The following PIK3C2A variants were observed in gnomAD, a reference collection of about 807,000 sequenced individuals.
PIK3C2A encodes the protein phosphatidylinositol-4-phosphate 3-kinase catalytic subunit type 2 alpha.
In PIK3C2A, 97 loss-of-function variants were observed where a neutral mutation model predicts 204.5. The observed-to-expected ratio is 0.47, with a 90% CI of 0.40 to 0.56. The LOEUF (loss-of-function observed/expected upper bound fraction) is 0.56, where lower values mean the gene tolerates loss of function less well. PIK3C2A is among the 20% of genes least tolerant of loss of function. The probability of loss-of-function intolerance (pLI) is 0.00; values close to 1 mark genes in which losing one functional copy is unlikely to be tolerated. For synonymous variants in PIK3C2A, 653 were observed against 664.4 expected (o/e 0.98, Z 0.26); for missense variants, 1,735 against 1,969.2 (o/e 0.88, Z 2.25).
At chr11:17,148,996 A>T (rs578036012) in intron 4 of PIK3C2A, among the ~76,000 whole-genome samples, 20 of 152,146 alleles carry the variant, frequency 1.3e-4, no homozygotes, top group Non-Finnish European at 2.6e-4. Context: ...GTTTTATTTA[A>T]CCTAATACAG....
chr11:17,180,967 G>A (rs1023358009), intron 1 of PIK3C2A, among the ~76,000 whole-genome samples: 6 of 152,038 alleles, frequency 3.9e-5, no homozygotes, highest in Admixed American at 1.3e-4. Flanking sequence ...TTATTATAAA[G>A]GATACAACTC....
At chr11:17,204,420 A>G (rs1852493300) in intron 1 of PIK3C2A, 1 of 152,226 alleles carries the variant, frequency 6.6e-6, no homozygotes, top group Non-Finnish European at 1.5e-5. Flanking sequence ...CAGTTTGCTC[A>G]ATATCTCACC....
chr11:17,136,027 C>G (rs1373221750), intron 9 of PIK3C2A, among the ~76,000 whole-genome samples: 3 of 152,178 alleles, frequency 2.0e-5, no homozygotes, highest in Non-Finnish European at 4.4e-5. Flanking sequence ...AGGCCCCTAA[C>G]TTGGCTGCTT....
Position 17,091,341 on chromosome 11 carries a change from T to C in PIK3C2A, c.4871A>G (p.Asn1624Ser), listed in dbSNP as rs142278050. ...ISRKTRNPTF[N>S]EMLVYSGYSK... is the part of the protein sequence containing the mutation. The stretch of plus-strand genomic sequence containing the variant: ...GAAATGATTTTAACTTACCATTTCA[T>C]TGAATGTCGGATTCCTCGTTTTTCG... The change falls in exon 32 of 33, where the codon AAT (asparagine) becomes AGT (serine). Residue 1624 changes from asparagine to serine, a missense_variant. Asn to Ser is a conservative substitution (Grantham distance 46). Transcript: ENST00000691414. 6.2e-7 allele frequency: 1 copy of C among 1,609,802 alleles called. No homozygotes were observed. The highest frequency in any genetic ancestry group is 2.2e-5 in the East Asian group (1 of 44,852).
chr11:17,206,106 C>G (rs1210816989), intron 1 of PIK3C2A, among the ~76,000 whole-genome samples: 1 of 152,008 alleles, frequency 6.6e-6, no homozygotes, highest in Non-Finnish European at 1.5e-5. Context: ...GGCGACAGAG[C>G]GAGATTCAAA....
At chr11:17,090,381 C>T (rs1054002539) in intron 32 of PIK3C2A, among the ~76,000 whole-genome samples, 1 of 152,308 alleles carries the variant, frequency 6.6e-6, no homozygotes, top group African/African-American at 2.4e-5. Flanking sequence ...GCAGGAGAAT[C>T]ACTTGAACTC....
rs1468608051 is a variant in PIK3C2A at position 17,112,650 on chromosome 11, C to T, written c.3338G>A (p.Ser1113Asn). 1 of 1,518,584 alleles carries T rather than the reference C, an allele frequency of 6.6e-7. No homozygotes were observed. Among genetic ancestry groups the T allele is most frequent in the Non-Finnish European group, 8.9e-7 (1 of 1,125,282 alleles). 94.1% of individuals were successfully genotyped at this position (1,518,584 alleles called of 1,614,324 possible). A position where few individuals can be genotyped will look rare whatever the true frequency, so the allele number is the denominator to read the frequency against. The part of the protein sequence containing the change: ...ELNIKSCSFF[S>N]SNAVPLKVTM... ...GACTTTTAGGGGGACAGCATTAGAA[C>T]TGAAGAAGGAACACGACTGCAAATA... Residue 1113 changes from serine to asparagine, a missense_variant, in exon 21 of 33, where the codon AGT (serine) becomes AAT (asparagine). By Grantham distance (46) the Ser-to-Asn change is conservative. Around this residue, in one of 6 missense-constraint regions of PIK3C2A, gnomAD observed 567 missense variants for 576.0 expected, o/e 0.98. Coordinates refer to ENST00000691414, the MANE Select transcript of PIK3C2A (RefSeq NM_002645.4).
chr11:17,185,995 ATGGCCCACCAGGCACACTAATATT>A (rs1851738255), intron 1 of PIK3C2A, among the ~76,000 whole-genome samples: 1 of 152,182 alleles, frequency 6.6e-6, no homozygotes. Context: ...AATCTTTACA[ATGGCCCACCAGGCACACTAATATT>A]TGGCCCCCCA....
Position 17,094,381 on chromosome 11 carries a change from T to A in PIK3C2A, c.4331A>T (p.Tyr1444Phe). 6.2e-7 allele frequency: 1 copy of A among 1,607,308 alleles called. No individual in the cohort carries two copies. The highest frequency in any genetic ancestry group is 8.5e-7 in the Non-Finnish European group (1 of 1,176,658). ...TCCTTCCCTCAAAATTCGGACTACA[T>A]AAATCTGAAAAGAAATCACACCACA... ...KKYNPDKHYIYVVRILREGQI... is the reference protein window; with the variant it reads ...KKYNPDKHYIFVVRILREGQI... The change falls in exon 28 of 33, where the codon TAT becomes TTT. Residue 1444 changes from tyrosine (Y) to phenylalanine (F), a missense_variant. By Grantham distance (22) the Tyr-to-Phe change is conservative. Coordinates refer to ENST00000691414, the MANE Select transcript of PIK3C2A (RefSeq NM_002645.4).
At chr11:17,163,758 A>C (rs1850858399) in intron 2 of PIK3C2A, among the ~76,000 whole-genome samples, 1 of 152,146 alleles carries the variant, frequency 6.6e-6, no homozygotes, top group African/African-American at 2.4e-5. Context: ...ATTGTCATCT[A>C]ATGTAACACA....
chr11:17,125,996 C>T (rs1327158151), intron 13 of PIK3C2A, among the ~76,000 whole-genome samples: 1 of 151,934 alleles, frequency 6.6e-6, no homozygotes, highest in African/African-American at 2.4e-5. Context: ...TGGTAGCACA[C>T]ACCTGTAATC....
intron 2 of PIK3C2A, among the ~76,000 whole-genome samples, chr11:17,162,750 G>A (rs903622501): frequency 1.3e-5 from 2 of 152,126 alleles, no homozygotes; most frequent in Admixed American, 1.3e-4. Context: ...AACCCATTCT[G>A]CTTCAGGGGC....
In PIK3C2A at chr11:17,122,265, C is replaced by T; in HGVS notation, c.2580G>A (p.Gln860=). The part of the protein sequence containing the change: ...TTPQVDRSII[Q]QHNLETLEND... ...TCTCTAGTGTTTCTAAGTTATGTTG[C>T]TGTATAATGCTTCTGTCAACTTGAG... Residue 860 remains glutamine (Q), a synonymous_variant, in exon 15 of 33, where the codon CAG becomes CAA. Coordinates refer to ENST00000691414, the MANE Select transcript of PIK3C2A (RefSeq NM_002645.4). 6.6e-7 allele frequency: 1 copy of T among 1,512,528 alleles called. No homozygotes were observed. The highest frequency in any genetic ancestry group is 1.4e-5 in the African/African-American group (1 of 72,996). 93.7% of individuals were successfully genotyped at this position (1,512,528 alleles called of 1,614,324 possible).
chr11:17,196,250 A>G (rs1852150608), intron 1 of PIK3C2A, among the ~76,000 whole-genome samples: 1 of 152,210 alleles, frequency 6.6e-6, no homozygotes, highest in African/African-American at 2.4e-5. Flanking sequence ...GATGGGGGAT[A>G]CTATACTGAA....
rs539749685 is a variant in PIK3C2A at position 17,148,890 on chromosome 11, A to C, written c.1328-103T>G. 2.9e-4 allele frequency: 260 copies of C among 883,448 alleles called. No homozygotes were observed. In the African/African-American group the frequency reaches 4.0e-3, roughly 14 times the overall value. The allele number at this position is 883,448 out of a possible 1,614,324, so 54.7% of individuals were successfully genotyped here. On this transcript the variant is annotated intron_variant, in intron 4 of 32. Coordinates refer to ENST00000691414, the MANE Select transcript of PIK3C2A (RefSeq NM_002645.4). The stretch of plus-strand genomic sequence containing the variant: ...GCAGTATACAATAGAAATATAATGT[A>C]GTCCACAAATGTAGGCCACATATAT...
At chr11:17,095,022 G>C (rs368580805) in intron 27 of PIK3C2A, among the ~76,000 whole-genome samples, 91 of 152,272 alleles carry the variant, frequency 6.0e-4, no homozygotes, top group African/African-American at 2.1e-3. Flanking sequence ...GCCAAGGTGA[G>C]AGGATCATTT....
At position 17,133,802 on chromosome 11, in the gene PIK3C2A, C is replaced by G. The variant is rs144472500; in HGVS notation, c.2108+1017G>C. The stretch of plus-strand genomic sequence containing the variant: ...AATTAGCTAGGCATGGTGGTGCACA[C>G]CTGTAATCCTAGCTACTGGGGAGGC... On this transcript the variant is annotated intron_variant, in intron 11 of 32. Coordinates refer to ENST00000691414, the MANE Select transcript of PIK3C2A (RefSeq NM_002645.4). Among the ~76,000 whole-genome samples, 9 of 151,972 alleles carry G rather than the reference C, an allele frequency of 5.9e-5. No homozygotes were observed. The East Asian group carries it at 9.7e-4, about 16-fold the overall frequency.
intron 1 of PIK3C2A, among the ~76,000 whole-genome samples, chr11:17,196,538 G>T: frequency 6.6e-6 from 1 of 152,090 alleles, no homozygotes; most frequent in East Asian, 1.9e-4. Flanking sequence ...ACAGTAATGT[G>T]AGAGAGAATG....
chr11:17,166,941 G>C (rs1850974981), intron 2 of PIK3C2A, among the ~76,000 whole-genome samples: 1 of 152,146 alleles, frequency 6.6e-6, no homozygotes, highest in Non-Finnish European at 1.5e-5. Context: ...TGCAGGATGG[G>C]AAAATTAGGG....
Sources: gnomAD v4.1 joint callset for allele counts (sites outside exome capture counted in the v4.1 genomes callset) on GRCh38, gnomAD v4.1.1 for gene constraint, gnomAD v4.1.1 regional missense constraint, MANE v1.5 for transcripts, NCBI Gene and HGNC (gene_info 2026-07-23, HGNC 2026-07-21) for gene names.